The following HMCN1 variants were observed in gnomAD, a reference collection of about 807,000 sequenced individuals.
HMCN1 encodes the protein hemicentin-1.
In HMCN1, 321 loss-of-function variants were observed where a neutral mutation model predicts 625.9. That is an observed-to-expected ratio of 0.51 (90% CI 0.47 to 0.56). The LOEUF (loss-of-function observed/expected upper bound fraction) is 0.56. HMCN1 is among the 20% of genes least tolerant of loss of function. The probability of loss-of-function intolerance (pLI) is 0.00; values close to 1 mark genes in which losing one functional copy is unlikely to be tolerated. For synonymous variants in HMCN1, 2,425 were observed against 2,417.6 expected, an observed-to-expected ratio of 1.00 and a Z score of -0.09; for missense variants, 6,588 against 6,887.3, an observed-to-expected ratio of 0.96 and a Z score of 1.54.
chr1:185,986,451 C>A (rs1464878926), intron 19 of HMCN1, among the ~76,000 whole-genome samples: 1 of 152,138 alleles, frequency 6.6e-6, no homozygotes, highest in African/African-American at 2.4e-5. Flanking sequence ...GTCTTCTTCT[C>A]ACTATGTTAG....
At chr1:185,754,418 AT>A (rs1420373499) in intron 1 of HMCN1, among the ~76,000 whole-genome samples, 1 of 152,194 alleles carries the variant, frequency 6.6e-6, no homozygotes, top group Non-Finnish European at 1.5e-5. Flanking sequence ...TAAACCTTTG[AT>A]TAAAAAAATG....
intron 14 of HMCN1, among the ~76,000 whole-genome samples, chr1:185,967,275 G>C (rs533069787): frequency 6.6e-6 from 1 of 152,036 alleles, no homozygotes; most frequent in Non-Finnish European, 1.5e-5. Flanking sequence ...CTGGGACTGT[G>C]CTCCTTAATC....
rs1053176541 is a variant in HMCN1, at chr1:185,888,716, G to C, written c.622-20621G>C. 1.7e-4 allele frequency among the ~76,000 whole-genome samples: 25 copies of C among 147,002 alleles called. 5 individuals carry two copies. Among genetic ancestry groups the C allele is most frequent in the African/African-American group, 6.3e-4 (23 of 36,512 alleles). ...ATGCTGTTTTGGTTACTGTAGCCTTGTAGTATAGTTTGAAGTCAGGTAGCG... is the reference window on the plus strand; with the variant it reads ...ATGCTGTTTTGGTTACTGTAGCCTTCTAGTATAGTTTGAAGTCAGGTAGCG... On this transcript the variant is annotated intron_variant, in intron 4 of 106. Coordinates refer to ENST00000271588, the MANE Select transcript of HMCN1 (RefSeq NM_031935.3).
chr1:186,093,175 T>C lies in HMCN1; in HGVS notation c.9929T>C (p.Leu3310Pro), dbSNP rs148265876. The C allele has an allele frequency of 3.5e-4, 557 of 1,613,218 alleles. 1 individual carries two copies. Among genetic ancestry groups the C allele is most frequent in the Non-Finnish European group, 4.3e-4 (504 of 1,179,522 alleles). The change falls in exon 65 of 107, where the codon CTT becomes CCT. Residue 3310 changes from leucine to proline, a missense_variant. Around this residue, in one of 3 missense-constraint regions of HMCN1, gnomAD observed 4,628 missense variants for 4,853.1 expected, o/e 0.95. Transcript: ENST00000271588. The stretch of plus-strand genomic sequence containing the variant: ...AGCACATTAAACATTTATGGAGCTC[T>C]TACATCTGACACGGGGAAATACACA... ...NGSTLNIYGA[L>P]TSDTGKYTCV...
chr1:186,069,555 T>C, intron 50 of HMCN1, 108 bp from the exon 51 acceptor site: 1 of 735,860 alleles, frequency 1.4e-6, no homozygotes, highest in Non-Finnish European at 2.5e-6. Flanking sequence ...AGAATTGTCA[T>C]ATGTAAAAAG....
At chr1:185,782,150 C>G (rs927483860) in intron 1 of HMCN1, among the ~76,000 whole-genome samples, 1 of 152,128 alleles carries the variant, frequency 6.6e-6, no homozygotes, top group African/African-American at 2.4e-5. Flanking sequence ...TCTGTTTTAT[C>G]AGAGACTAGG....
At chr1:185,970,918 C>T (rs1368179301) in intron 15 of HMCN1, among the ~76,000 whole-genome samples, 1 of 152,094 alleles carries the variant, frequency 6.6e-6, no homozygotes, top group African/African-American at 2.4e-5. Context: ...CCTCAGCCTC[C>T]CAAAGTGCTG....
chr1:185,952,443 A>G (rs1330803160), intron 11 of HMCN1, among the ~76,000 whole-genome samples: 1 of 151,664 alleles, frequency 6.6e-6, no homozygotes, highest in Non-Finnish European at 1.5e-5. Context: ...CTGAGGGGAC[A>G]GGTGGGAGGG....
intron 77 of HMCN1, among the ~76,000 whole-genome samples, chr1:186,118,184 C>A (rs1472190031): frequency 1.3e-5 from 2 of 151,794 alleles, no homozygotes; most frequent in Non-Finnish European, 2.9e-5. Context: ...AAAAAAATCA[C>A]CTAAAGTATA....
intron 11 of HMCN1, among the ~76,000 whole-genome samples, chr1:185,935,335 C>T (rs546137176): frequency 2.0e-4 from 30 of 152,188 alleles, no homozygotes; most frequent in African/African-American, 7.0e-4. Flanking sequence ...ATTTCTAACC[C>T]CACATCAAGA....
At chr1:185,735,085 C>T (rs992572610) in intron 1 of HMCN1, 38 bp downstream of exon 1, 33 of 1,588,480 alleles carry the variant, frequency 2.1e-5, no homozygotes, top group Middle Eastern at 1.7e-4. Flanking sequence ...TGCTATGTCT[C>T]ATGATTACAT....
chr1:185,808,690 A>G (rs2102240610), intron 1 of HMCN1, among the ~76,000 whole-genome samples: 1 of 152,328 alleles, frequency 6.6e-6, no homozygotes, highest in South Asian at 2.1e-4. Context: ...GCAATTTGAT[A>G]AACTACATGG....
intron 97 of HMCN1, among the ~76,000 whole-genome samples, chr1:186,156,770 C>A (rs1231346855): frequency 6.6e-6 from 1 of 152,134 alleles, no homozygotes; most frequent in Non-Finnish European, 1.5e-5. Flanking sequence ...AGTTATGGCA[C>A]AGCTATATAA....
Position 186,114,826 on chromosome 1 carries a change from A to T in HMCN1, c.11284A>T (p.Ile3762Phe), listed in dbSNP as rs1329835435. 1 of 1,614,082 alleles carries T rather than the reference A, an allele frequency of 6.2e-7. No individual in the cohort carries two copies. The highest frequency in any genetic ancestry group is 1.3e-5 in the African/African-American group (1 of 74,938). Residue 3762 changes from isoleucine to phenylalanine, a missense_variant, in exon 74 of 107, where the codon ATC becomes TTC. By Grantham distance (21) the Ile-to-Phe change is conservative. Coordinates refer to ENST00000271588, the MANE Select transcript of HMCN1 (RefSeq NM_031935.3). ...VLAGNHARYS[I>F]LENGFLHIQS... ...TTGTGATTTCTCTTGTAGATATTCC[A>T]TCTTGGAAAATGGATTCCTTCATAT...
At chr1:185,982,230 G>C (rs1029677335) in intron 17 of HMCN1, 32 bp from the exon 18 acceptor site, 17 of 1,612,456 alleles carry the variant, frequency 1.1e-5, no homozygotes, top group Non-Finnish European at 1.4e-5. Flanking sequence ...GTGAAATAGA[G>C]TTGAAAGTGC....
intron 30 of HMCN1, 122 bp downstream of exon 30, chr1:186,007,404 G>T: frequency 5.8e-6 from 5 of 861,050 alleles, no homozygotes; most frequent in Non-Finnish European, 9.3e-6. Flanking sequence ...TACTTCAAGA[G>T]AAGAAGGAGC....
chr1:185,812,775 G>T (rs28754345), intron 1 of HMCN1, among the ~76,000 whole-genome samples: 8,978 of 151,938 alleles, frequency 0.059, 901 homozygotes, highest in African/African-American at 0.2. Flanking sequence ...CACTTTCTTG[G>T]AATATACATA....
intron 11 of HMCN1, among the ~76,000 whole-genome samples, chr1:185,951,979 G>C (rs1354394425): frequency 6.6e-6 from 1 of 151,886 alleles, no homozygotes; most frequent in Admixed American, 6.6e-5. Flanking sequence ...TTTATTTAAT[G>C]TCGGGAGCAG....
At chr1:186,035,073 G>A (rs1003570429) in intron 36 of HMCN1, among the ~76,000 whole-genome samples, 1 of 152,108 alleles carries the variant, frequency 6.6e-6, no homozygotes, top group Admixed American at 6.6e-5. Context: ...CTGTTTTGTA[G>A]GAATGTGTCA....
Sources: gnomAD v4.1 joint callset for allele counts (sites outside exome capture counted in the v4.1 genomes callset) on GRCh38, gnomAD v4.1.1 for gene constraint, gnomAD v4.1.1 regional missense constraint, MANE v1.5 for transcripts, NCBI Gene and HGNC (gene_info 2026-07-23, HGNC 2026-07-21) for gene names.